The following LRP1B variants were observed in gnomAD, a reference collection of about 807,000 sequenced individuals.
LRP1B encodes low-density lipoprotein receptor-related protein 1B.
In LRP1B, 217 loss-of-function variants were observed where a neutral mutation model predicts 556.6. The observed-to-expected ratio is 0.39, with a 90% confidence interval of 0.35 to 0.44. The LOEUF (loss-of-function observed/expected upper bound fraction) is 0.44. Among genes scored for constraint, LRP1B ranks in the 20% least tolerant of loss-of-function variants. The pLI is 1.00. For missense variants in LRP1B, 5,053 were observed against 5,620.8 expected (o/e 0.90, Z 3.23); for synonymous variants, 2,047 against 1,865.8 (o/e 1.10, Z -2.50).
At chr2:141,062,310 G>T (rs781439103) in intron 7 of LRP1B, 37 bp from the exon 8 acceptor site, 30 of 1,440,162 alleles carry the variant, frequency 2.1e-5, no homozygotes, top group African/African-American at 2.8e-5. Context: ...GTGGAGGGTG[G>T]GGGAGGGAAG....
chr2:140,351,449 T>C (rs1030175717), intron 76 of LRP1B, among the ~76,000 whole-genome samples: 6 of 150,676 alleles, frequency 4.0e-5, no homozygotes, highest in Non-Finnish European at 7.4e-5. Flanking sequence ...ATCATTACTT[T>C]AGGCTAAGAA....
intron 23 of LRP1B, among the ~76,000 whole-genome samples, chr2:140,901,610 C>T (rs1259397729): frequency 6.6e-6 from 1 of 151,878 alleles, no homozygotes. Flanking sequence ...TGTACAATTA[C>T]ATTATTTTTG....
In LRP1B at chr2:140,765,665, C is replaced by T. The variant is rs540181544; in HGVS notation, c.5758+3548G>A. On this transcript the variant is annotated intron_variant, in intron 35 of 90. Transcript: ENST00000389484. ...CTTCTGTGGAGAGTATCCAGAATTG[C>T]TTCATCTGGTAGAAAAAACAATTTG... Among the ~76,000 whole-genome samples the T allele has an allele frequency of 2.6e-5, 4 of 152,078 alleles. No individual in the cohort carries two copies. In the East Asian group the frequency reaches 7.7e-4, roughly 29 times the overall value.
rs148180456 is a variant in LRP1B, at chr2:141,798,020, G to A, written c.205+12259C>T. On this transcript the variant is annotated intron_variant, in intron 2 of 90. Coordinates refer to ENST00000389484, the MANE Select transcript of LRP1B (RefSeq NM_018557.3). ...TAAAATAATTACAAATAATACTCTGGGGACAGTTGGAGAAGTTTGAATGGG... is the reference window on the plus strand; with the variant it reads ...TAAAATAATTACAAATAATACTCTGAGGACAGTTGGAGAAGTTTGAATGGG... 8.2e-3 allele frequency among the ~76,000 whole-genome samples: 1,243 copies of A among 152,134 alleles called. 7 individuals carry two copies. Among genetic ancestry groups the A allele is most frequent in the Middle Eastern group, 0.044 (13 of 294 alleles).
chr2:140,522,103 A>G (rs913557955), intron 49 of LRP1B, among the ~76,000 whole-genome samples: 11 of 152,060 alleles, frequency 7.2e-5, no homozygotes, highest in Non-Finnish European at 1.5e-4. Flanking sequence ...AGACATCCAC[A>G]AAACACTCCA....
intron 3 of LRP1B, among the ~76,000 whole-genome samples, chr2:141,291,716 A>C (rs538363124): frequency 1.8e-3 from 270 of 151,784 alleles, no homozygotes; most frequent in African/African-American, 6.1e-3. Flanking sequence ...ATTAGCCGGG[A>C]GTGGTGGCGG....
At chr2:140,320,588 AT>A (rs370919427) in intron 82 of LRP1B, among the ~76,000 whole-genome samples, 16,648 of 145,014 alleles carry the variant, frequency 0.11, 990 homozygotes, top group African/African-American at 0.18. Flanking sequence ...GGAGCGCTAC[AT>A]TTTTTTTTTT....
chr2:141,713,087 A>T (rs1241275804), intron 2 of LRP1B, among the ~76,000 whole-genome samples: 7 of 142,672 alleles, frequency 4.9e-5, no homozygotes, highest in South Asian at 4.4e-4. Context: ...AAATAATTTC[A>T]TTTTTTTTTT....
Position 140,631,289 on chromosome 2 carries a change from GA to G in LRP1B, c.6800-29651del, listed in dbSNP as rs1019479354. Among the ~76,000 whole-genome samples the G allele has an allele frequency of 7.2e-5, 11 of 152,104 alleles. No individual in the cohort carries two copies. In the East Asian group the frequency reaches 1.7e-3, roughly 24 times the overall value. On this transcript the variant is annotated intron_variant, in intron 41 of 90. Coordinates refer to ENST00000389484, the MANE Select transcript of LRP1B (RefSeq NM_018557.3). ...TTTGCATGACATGCTAAAAGGCAAAGAAAAAAACAGTCTAAAGAAACAAAGC... is the reference window on the plus strand; with the variant it reads ...TTTGCATGACATGCTAAAAGGCAAAGAAAAAACAGTCTAAAGAAACAAAGC...
chr2:140,530,754 T>C lies in LRP1B; in HGVS notation c.7762+3267A>G, dbSNP rs182421030. On this transcript the variant is annotated intron_variant, in intron 47 of 90. Transcript: ENST00000389484. ...ATTCAGCGTGACCAGCTTTAAGGCA[T>C]AAGTTTTGCTTGTTTATTTTTAAGA... 3.9e-5 allele frequency among the ~76,000 whole-genome samples: 6 copies of C among 152,298 alleles called. No homozygotes were observed. In the East Asian group the frequency reaches 7.7e-4, roughly 20 times the overall value.
chr2:141,507,589 T>A (rs1434906587), intron 2 of LRP1B, among the ~76,000 whole-genome samples: 1 of 152,102 alleles, frequency 6.6e-6, no homozygotes, highest in Admixed American at 6.6e-5. Context: ...ATATTTAGCA[T>A]TCCAAAATTA....
At chr2:141,766,928 G>C (rs1558862045) in intron 2 of LRP1B, among the ~76,000 whole-genome samples, 2 of 152,082 alleles carry the variant, frequency 1.3e-5, no homozygotes, top group Non-Finnish European at 2.9e-5. Flanking sequence ...GAGAGGGGAA[G>C]AAAATAAACC....
intron 2 of LRP1B, among the ~76,000 whole-genome samples, chr2:141,648,089 T>C (rs1689646298): frequency 6.6e-6 from 1 of 151,662 alleles, no homozygotes; most frequent in South Asian, 2.1e-4. Flanking sequence ...ATCATGTGAT[T>C]CAGGAAAAAA....
chr2:140,685,976 G>C (rs896018689), intron 41 of LRP1B, among the ~76,000 whole-genome samples: 1 of 152,026 alleles, frequency 6.6e-6, no homozygotes, highest in East Asian at 1.9e-4. Context: ...AATCACTGTG[G>C]GCTGCAGCGC....
At chr2:140,479,753 G>C (rs960183572) in intron 59 of LRP1B, among the ~76,000 whole-genome samples, 2 of 152,082 alleles carry the variant, frequency 1.3e-5, no homozygotes, top group South Asian at 2.1e-4. Flanking sequence ...TGAACTGTTT[G>C]GATAGATTTT....
chr2:141,962,244 G>C (rs1244652874), intron 1 of LRP1B, among the ~76,000 whole-genome samples: 1 of 109,410 alleles, frequency 9.1e-6, no homozygotes, highest in Admixed American at 1.0e-4. Flanking sequence ...TCTCACAGAT[G>C]ATAGTATTAT....
chr2:140,238,372 G>T, intron 88 of LRP1B, 76 bp from the exon 89 acceptor site: 4 of 708,366 alleles, frequency 5.6e-6, no homozygotes, highest in Non-Finnish European at 8.8e-6. Context: ...TATATTTATA[G>T]ATTTACTGAC....
chr2:141,342,834 C>T (rs187275483), intron 3 of LRP1B, among the ~76,000 whole-genome samples: 1 of 152,240 alleles, frequency 6.6e-6, no homozygotes, highest in Admixed American at 6.5e-5. Flanking sequence ...CTCAACCTAG[C>T]AAGACAGGCC....
chr2:142,000,799 A>G (rs1488299938), intron 1 of LRP1B, among the ~76,000 whole-genome samples: 1 of 152,202 alleles, frequency 6.6e-6, no homozygotes, highest in Non-Finnish European at 1.5e-5. Context: ...TAAGGCAGAA[A>G]AAGTGTCAAG....
Sources: allele counts gnomAD v4.1 joint callset (sites outside exome capture counted in the v4.1 genomes callset), GRCh38; gene constraint gnomAD v4.1.1; transcripts MANE v1.5; gene names NCBI Gene and HGNC (gene_info 2026-07-23, HGNC 2026-07-21).